The following ATP8A2 variants were observed in gnomAD, a reference collection of about 807,000 sequenced individuals.
The protein encoded by ATP8A2 is phospholipid-transporting ATPase IB.
In ATP8A2, 100 loss-of-function variants were observed where a neutral mutation model predicts 165.6. The ratio of observed to expected loss-of-function variants is 0.60; its 90% CI spans 0.51 to 0.71. The LOEUF (loss-of-function observed/expected upper bound fraction) is 0.71, where lower values mean the gene tolerates loss of function less well. Ranked by LOEUF, ATP8A2 falls within the 30% of genes least tolerant of loss-of-function variation. The pLI is 0.00. For synonymous variants in ATP8A2, 543 were observed against 548.8 expected, an observed-to-expected ratio of 0.99 and a Z score of 0.15; for missense variants, 1,227 against 1,479.5, an observed-to-expected ratio of 0.83 and a Z score of 2.80.
At chr13:25,448,662 T>G (rs930908368) in intron 1 of ATP8A2, among the ~76,000 whole-genome samples, 1 of 152,264 alleles carries the variant, frequency 6.6e-6, no homozygotes, top group African/African-American at 2.4e-5. Context: ...TTTTATTTAT[T>G]TTTTTGAGAC....
chr13:25,803,676 A>G (rs1037581825), intron 27 of ATP8A2, among the ~76,000 whole-genome samples: 8 of 152,192 alleles, frequency 5.3e-5, no homozygotes, highest in African/African-American at 1.9e-4. Flanking sequence ...TCCTTCAAAA[A>G]CTGACTCAGA....
rs372357658 is a variant in ATP8A2, at chr13:25,541,981, A to G, written c.714A>G (p.Ile238Met). 13 of 1,614,016 alleles carry G rather than the reference A, an allele frequency of 8.1e-6. No individual in the cohort carries two copies. In the Admixed American group the frequency reaches 1.3e-4, roughly 17 times the overall value. The change falls in exon 9 of 37, where the codon ATA becomes ATG. Residue 238 changes from isoleucine (I) to methionine (M), a missense_variant. Ile to Met is a conservative substitution (Grantham distance 10). Around this residue, in one of 5 missense-constraint regions of ATP8A2, gnomAD observed 356 missense variants for 394.9 expected, o/e 0.90. Transcript: ENST00000381655. ...REVLMKLSGT[I>M]ECEGPNRHLY... ...TTCTGATGAAGTTATCTGGAACTAT[A>G]GAGTGTGAAGGGCCCAACCGCCACC...
chr13:25,972,360 C>T (rs765332802), intron 35 of ATP8A2, among the ~76,000 whole-genome samples: 1 of 152,170 alleles, frequency 6.6e-6, no homozygotes, highest in Non-Finnish European at 1.5e-5. Flanking sequence ...CTTTAATAAG[C>T]CTGTTCTCAT....
intron 24 of ATP8A2, among the ~76,000 whole-genome samples, chr13:25,694,095 C>G (rs1342942643): frequency 6.6e-6 from 1 of 150,636 alleles, no homozygotes; most frequent in Non-Finnish European, 1.5e-5. Flanking sequence ...AAGCTAGTCC[C>G]TCTCCTCCTC....
At chr13:25,536,317 T>C (rs2038283683) in intron 6 of ATP8A2, among the ~76,000 whole-genome samples, 1 of 151,774 alleles carries the variant, frequency 6.6e-6, no homozygotes, top group Non-Finnish European at 1.5e-5. Flanking sequence ...GGTTTCACCA[T>C]GTTAGCCAGG....
At chr13:25,745,442 A>T (rs2044010558) in intron 25 of ATP8A2, among the ~76,000 whole-genome samples, 1 of 152,202 alleles carries the variant, frequency 6.6e-6, no homozygotes, top group Non-Finnish European at 1.5e-5. Context: ...CAATGAACTT[A>T]TCTTTATTTA....
rs1377699007 is a variant in ATP8A2, at chr13:25,742,198, GGTAA to G, written c.2385-26844_2385-26841del. 5.9e-5 allele frequency among the ~76,000 whole-genome samples: 9 copies of G among 152,094 alleles called. 1 individual carries two copies. In the East Asian group the frequency reaches 1.7e-3, roughly 29 times the overall value. ...ATACTGTAGGTGATTGCAACACAGT[GGTAA>G]GTATTTGTGTACTAAACACATCCTA... On this transcript the variant is annotated intron_variant, in intron 25 of 36. Transcript: ENST00000381655.
chr13:25,390,948 A>G (rs2033224872), intron 1 of ATP8A2, among the ~76,000 whole-genome samples: 1 of 151,900 alleles, frequency 6.6e-6, no homozygotes, highest in East Asian at 1.9e-4. Context: ...AAATTCATCT[A>G]TGTTGCCACA....
chr13:25,579,856 A>G lies in ATP8A2; in HGVS notation c.1916A>G (p.Tyr639Cys). Residue 639 changes from tyrosine (Y) to cysteine (C), a missense_variant, in exon 22 of 37, where the codon TAT becomes TGT. Transcript: ENST00000381655. ...TATGCTGATCTCTCTGAGAATGAGT[A>G]TGAGGAGTGGCTGAAAGTCTATCAG... Reference protein sequence around the residue: ...VAYADLSENEYEEWLKVYQEA... With the variant: ...VAYADLSENECEEWLKVYQEA... 1.2e-6 allele frequency: 2 copies of G among 1,614,036 alleles called. No individual in the cohort carries two copies. The highest frequency in any genetic ancestry group is 1.3e-5 in the African/African-American group (1 of 75,012).
At chr13:25,587,839 G>C (rs1336790279) in intron 23 of ATP8A2, among the ~76,000 whole-genome samples, 1 of 152,158 alleles carries the variant, frequency 6.6e-6, no homozygotes, top group East Asian at 1.9e-4. Flanking sequence ...GATTATTCTA[G>C]TCCTACCAGG....
chr13:25,614,885 G>A (rs1273582250), intron 24 of ATP8A2, among the ~76,000 whole-genome samples: 2 of 152,240 alleles, frequency 1.3e-5, no homozygotes, highest in East Asian at 1.9e-4. Flanking sequence ...ATGGATACCA[G>A]CACCTGCTTT....
intron 24 of ATP8A2, among the ~76,000 whole-genome samples, chr13:25,603,272 G>A (rs1177520906): frequency 6.6e-6 from 1 of 151,994 alleles, no homozygotes; most frequent in Non-Finnish European, 1.5e-5. Context: ...TGGGTCGCTT[G>A]AGCCCAGGAG....
At chr13:25,810,050 A>G (rs1950827392) in intron 27 of ATP8A2, among the ~76,000 whole-genome samples, 1 of 152,074 alleles carries the variant, frequency 6.6e-6, no homozygotes, top group African/African-American at 2.4e-5. Flanking sequence ...CATCAGTTCC[A>G]TTTGTTTTTG....
At chr13:25,948,934 C>A (rs1955278049) in intron 33 of ATP8A2, among the ~76,000 whole-genome samples, 1 of 152,178 alleles carries the variant, frequency 6.6e-6, no homozygotes, top group South Asian at 2.1e-4. Flanking sequence ...ACTGTGCAGC[C>A]CCTCCTGGAA....
intron 2 of ATP8A2, among the ~76,000 whole-genome samples, chr13:25,497,217 T>C (rs1432685999): frequency 6.6e-6 from 1 of 152,198 alleles, no homozygotes. Context: ...AGGAATATTA[T>C]GTGTGATTAA....
chr13:25,615,924 C>G (rs961447803), intron 24 of ATP8A2, among the ~76,000 whole-genome samples: 1 of 152,144 alleles, frequency 6.6e-6, no homozygotes, highest in African/African-American at 2.4e-5. Context: ...GTAATCCACT[C>G]TCTTCCAAGG....
chr13:25,853,599 A>C (rs1239942339), intron 30 of ATP8A2, among the ~76,000 whole-genome samples: 1 of 152,126 alleles, frequency 6.6e-6, no homozygotes, highest in Non-Finnish European at 1.5e-5. Context: ...CCATAGCTAC[A>C]AATTTTGACT....
chr13:25,823,489 T>C (rs1431702627), intron 27 of ATP8A2, among the ~76,000 whole-genome samples: 1 of 152,188 alleles, frequency 6.6e-6, no homozygotes, highest in African/African-American at 2.4e-5. Flanking sequence ...ATGTTACTTT[T>C]CAGCTTTTGA....
chr13:25,662,797 C>G (rs1286042840), intron 24 of ATP8A2, among the ~76,000 whole-genome samples: 2 of 152,202 alleles, frequency 1.3e-5, no homozygotes, highest in Non-Finnish European at 2.9e-5. Context: ...TGGGTCTGTG[C>G]TGAAGGTGTC....
Sources: gnomAD v4.1 joint callset for allele counts (sites outside exome capture counted in the v4.1 genomes callset) on GRCh38, gnomAD v4.1.1 for gene constraint, gnomAD v4.1.1 regional missense constraint, MANE v1.5 for transcripts, NCBI Gene and HGNC (gene_info 2026-07-23, HGNC 2026-07-21) for gene names.